The following NTM variants were observed in gnomAD, a reference collection of about 807,000 sequenced individuals.
NTM encodes neurotrimin.
NTM carries 13 observed loss-of-function variants against 42.1 expected under a neutral mutation model. That is an observed-to-expected ratio of 0.31 (90% CI 0.20 to 0.49). NTM has a LOEUF of 0.49. NTM is among the 20% of genes least tolerant of loss of function. The pLI is 0.99. For synonymous variants in NTM, 187 were observed against 179.2 expected, an observed-to-expected ratio of 1.04 and a Z score of -0.35; for missense variants, 373 against 452.8, an observed-to-expected ratio of 0.82 and a Z score of 1.60.
intron 3 of NTM, among the ~76,000 whole-genome samples, chr11:132,169,287 T>C (rs2075757794): frequency 6.7e-6 from 1 of 148,918 alleles, no homozygotes; most frequent in Non-Finnish European, 1.5e-5. Context: ...CCAGTCATAT[T>C]AGCCAGAGTG....
intron 1 of NTM, among the ~76,000 whole-genome samples, chr11:131,508,763 T>C: frequency 6.9e-6 from 1 of 145,260 alleles, no homozygotes; most frequent in African/African-American, 2.6e-5. Flanking sequence ...GAAATCATCA[T>C]TCTCAGTAAA....
chr11:131,644,642 A>G lies in NTM; in HGVS notation c.83-266922A>G, dbSNP rs1389233240. ...ATATTTGGATTTTCTTCATCATGGT[A>G]TATAACTCTTAGAAACATACTTATG... On this transcript the variant is annotated intron_variant, in intron 1 of 8. Coordinates refer to ENST00000683400, the MANE Select transcript of NTM (RefSeq NM_001352005.2). Among the ~76,000 whole-genome samples, 4 of 152,240 alleles carry G rather than the reference A, an allele frequency of 2.6e-5. No individual in the cohort carries two copies. In the East Asian group the frequency reaches 5.8e-4, roughly 22 times the overall value.
chr11:132,288,649 C>T (rs559666955), intron 4 of NTM, among the ~76,000 whole-genome samples: 63 of 151,670 alleles, frequency 4.2e-4, no homozygotes, highest in African/African-American at 1.3e-3. Flanking sequence ...GACAGAGTTT[C>T]GCTTTTGTTG....
At chr11:131,550,030 A>T (rs78543640) in intron 1 of NTM, among the ~76,000 whole-genome samples, 3 of 152,200 alleles carry the variant, frequency 2.0e-5, no homozygotes, top group East Asian at 1.9e-4. Context: ...CAGGGGAGGC[A>T]TGAGGCTCTG....
intron 1 of NTM, among the ~76,000 whole-genome samples, chr11:131,605,093 CAA>C (rs372416946): frequency 3.5e-5 from 5 of 142,918 alleles, no homozygotes; most frequent in African/African-American, 1.0e-4. Context: ...TCAATTTCTG[CAA>C]AAAAAAAAGC....
chr11:131,604,474 G>T (rs2060758618), intron 1 of NTM, among the ~76,000 whole-genome samples: 1 of 151,924 alleles, frequency 6.6e-6, no homozygotes, highest in African/African-American at 2.4e-5. Context: ...CCACTCTGTA[G>T]CTTCTTTCAC....
chr11:131,819,024 A>G (rs1044074787), intron 1 of NTM, among the ~76,000 whole-genome samples: 2 of 152,186 alleles, frequency 1.3e-5, no homozygotes, highest in African/African-American at 4.8e-5. Flanking sequence ...ACTGTTGAGG[A>G]CACTGAGATT....
At chr11:131,986,038 A>G (rs2066019233) in intron 2 of NTM, among the ~76,000 whole-genome samples, 1 of 152,228 alleles carries the variant, frequency 6.6e-6, no homozygotes, top group African/African-American at 2.4e-5. Flanking sequence ...TCTGAATTGG[A>G]GAGCTTTGAA....
chr11:132,176,670 G>T (rs1472783807), intron 3 of NTM, among the ~76,000 whole-genome samples: 1 of 150,178 alleles, frequency 6.7e-6, no homozygotes, highest in East Asian at 2.0e-4. Flanking sequence ...TATTCTGGGG[G>T]TGAGGAAGGA....
intron 2 of NTM, among the ~76,000 whole-genome samples, chr11:132,088,836 C>G (rs1035097656): frequency 2.0e-5 from 3 of 152,106 alleles, no homozygotes; most frequent in African/African-American, 7.2e-5. Flanking sequence ...TCTCCTGCCT[C>G]TATCAGGAAT....
intron 1 of NTM, among the ~76,000 whole-genome samples, chr11:131,468,238 C>T (rs949732794): frequency 6.6e-6 from 1 of 152,234 alleles, no homozygotes; most frequent in African/African-American, 2.4e-5. Context: ...TAATGAGAGG[C>T]AACACCCCAT....
intron 2 of NTM, among the ~76,000 whole-genome samples, chr11:132,042,877 C>A (rs555979727): frequency 1.1e-3 from 161 of 152,262 alleles, no homozygotes; most frequent in Non-Finnish European, 1.6e-3. Flanking sequence ...AAGACAGTAT[C>A]TCTTGTTCAT....
intron 7 of NTM, among the ~76,000 whole-genome samples, chr11:132,328,254 C>A (rs60680679): frequency 6.6e-5 from 10 of 152,040 alleles, no homozygotes; most frequent in Non-Finnish European, 1.5e-4. Flanking sequence ...CTCATTGTGG[C>A]GGGCTAGAAG....
intron 3 of NTM, among the ~76,000 whole-genome samples, chr11:132,207,365 G>A (rs566084146): frequency 6.6e-6 from 1 of 152,220 alleles, no homozygotes; most frequent in Admixed American, 6.5e-5. Context: ...AAAATCTAAT[G>A]CCTGATGATC....
intron 2 of NTM, among the ~76,000 whole-genome samples, chr11:132,105,080 C>T (rs1047152315): frequency 2.0e-5 from 3 of 149,648 alleles, no homozygotes; most frequent in African/African-American, 4.9e-5. Flanking sequence ...CTCCTTCTTT[C>T]ACCGTGAGGA....
At chr11:131,694,757 A>T (rs897423739) in intron 1 of NTM, among the ~76,000 whole-genome samples, 1 of 152,210 alleles carries the variant, frequency 6.6e-6, no homozygotes, top group African/African-American at 2.4e-5. Flanking sequence ...TGCCAAGACC[A>T]TGAGCTTTGC....
At chr11:131,653,138 A>C (rs2066726627) in intron 1 of NTM, among the ~76,000 whole-genome samples, 1 of 152,240 alleles carries the variant, frequency 6.6e-6, no homozygotes, top group Non-Finnish European at 1.5e-5. Context: ...CCACAGAGCC[A>C]GCTCCAGAAA....
chr11:131,713,074 C>T (rs1331242744), intron 1 of NTM, among the ~76,000 whole-genome samples: 1 of 152,108 alleles, frequency 6.6e-6, no homozygotes, highest in African/African-American at 2.4e-5. Flanking sequence ...CCCTCTGCTG[C>T]TGCCAGGTGT....
At position 132,099,710 on chromosome 11, in the gene NTM, T is replaced by C. The variant is rs1311415085; in HGVS notation, c.168-46572T>C. ...CAAGTCTTAACTTAAGAAACAGGTC[T>C]TCTTGGGACCCTGCTACTTTCCGGA... On this transcript the variant is annotated intron_variant, in intron 2 of 8. Transcript: ENST00000683400. 2.6e-5 allele frequency among the ~76,000 whole-genome samples: 4 copies of C among 152,152 alleles called. No individual in the cohort carries two copies. The East Asian group carries it at 5.8e-4, about 22-fold the overall frequency.
Sources: gnomAD v4.1 joint callset for allele counts (sites outside exome capture counted in the v4.1 genomes callset) on GRCh38, gnomAD v4.1.1 for gene constraint, MANE v1.5 for transcripts, NCBI Gene and HGNC (gene_info 2026-07-23, HGNC 2026-07-21) for gene names.